Variants in KLHL6 observed in about 807,000 individuals in gnomAD.
KLHL6 encodes the protein kelch like family member 6.
A neutral mutation model predicts 58.6 loss-of-function variants in KLHL6; 41 were observed. The ratio of observed to expected loss-of-function variants is 0.70; its 90% CI spans 0.55 to 0.91. The LOEUF (loss-of-function observed/expected upper bound fraction) is 0.91, where lower values mean the gene tolerates loss of function less well. Among genes scored for constraint, KLHL6 ranks in the 40% least tolerant of loss-of-function variants. The pLI is 0.00. For missense variants in KLHL6, 714 were observed against 805.6 expected (o/e 0.89, Z 1.38); for synonymous variants, 338 against 322.7 (o/e 1.05, Z -0.51).
At chr3:183,543,868 AAGCCGTAGC>A (rs1355325459) in intron 1 of KLHL6, among the ~76,000 whole-genome samples, 28 of 152,168 alleles carry the variant, frequency 1.8e-4, no homozygotes, top group Non-Finnish European at 3.8e-4. Flanking sequence ...TTGTGTTTTA[AAGCCGTAGC>A]ACCAGGCCGG....
intron 4 of KLHL6, among the ~76,000 whole-genome samples, chr3:183,496,983 CA>C (rs929233753): frequency 8.7e-5 from 13 of 148,772 alleles, no homozygotes; most frequent in African/African-American, 2.7e-4. Flanking sequence ...ACTTAAAATA[CA>C]AAAAAAAAAT....
At chr3:183,511,498 C>G (rs560218162) in intron 2 of KLHL6, among the ~76,000 whole-genome samples, 1 of 152,322 alleles carries the variant, frequency 6.6e-6, no homozygotes, top group African/African-American at 2.4e-5. Flanking sequence ...AGCACAGACC[C>G]TTCACGGGTG....
Position 183,488,467 on chromosome 3 carries a change from G to A in KLHL6, c.*3460C>T, listed in dbSNP as rs1717457698. ...CCAGGGCCTCCGATATCATTTTCCA[G>A]ACCTGCATCCTTGGAACCTGACCTC... On this transcript the variant is annotated 3_prime_UTR_variant, in exon 7 of 7. Transcript: ENST00000341319. 2 of 152,764 alleles carry A rather than the reference G, an allele frequency of 1.3e-5. No individual in the cohort carries two copies. Among genetic ancestry groups the A allele is most frequent in the African/African-American group, 4.8e-5 (2 of 41,440 alleles). The allele number at this position is 152,764 out of a possible 1,614,324, so 9.5% of individuals were successfully genotyped here. A position where few individuals can be genotyped will look rare whatever the true frequency, so the allele number is the denominator to read the frequency against.
At chr3:183,555,196 A>T (rs577502877) in intron 1 of KLHL6, among the ~76,000 whole-genome samples, 165 bp downstream of exon 1, 7 of 152,288 alleles carry the variant, frequency 4.6e-5, no homozygotes, top group Non-Finnish European at 7.4e-5. Context: ...ATAATAAAAT[A>T]AAGTGTGATA....
intron 2 of KLHL6, among the ~76,000 whole-genome samples, chr3:183,514,298 A>C (rs935538536): frequency 6.6e-5 from 10 of 152,072 alleles, no homozygotes; most frequent in Middle Eastern, 3.2e-3. Context: ...CCACCCCTTC[A>C]ATCTTCCACA....
chr3:183,497,606 A>G (rs1717749714), intron 4 of KLHL6, among the ~76,000 whole-genome samples: 2 of 152,072 alleles, frequency 1.3e-5, no homozygotes, highest in Non-Finnish European at 2.9e-5. Flanking sequence ...AATTGATGGC[A>G]CTTCCAGGCT....
chr3:183,541,019 T>C (rs1712534595), intron 1 of KLHL6, among the ~76,000 whole-genome samples: 1 of 152,212 alleles, frequency 6.6e-6, no homozygotes, highest in African/African-American at 2.4e-5. Context: ...CAGGACTCTG[T>C]GGCTTCCCTG....
rs1264651630 is a variant in KLHL6 at position 183,503,977 on chromosome 3, A to AC, written c.909+4081dup. On this transcript the variant is annotated intron_variant, in intron 3 of 6. Coordinates refer to ENST00000341319, the MANE Select transcript of KLHL6 (RefSeq NM_130446.4). ...ACTCAGGGAATCAACTGGCAATGAG[A>AC]CCCCAATTAGGAGGTCATGGTGGCT... is the stretch of plus-strand genomic sequence containing the variant. 7.9e-5 allele frequency among the ~76,000 whole-genome samples: 12 copies of AC among 152,186 alleles called. No individual in the cohort carries two copies. In the East Asian group the frequency reaches 1.9e-3, roughly 25 times the overall value.
chr3:183,527,262 A>T (rs1712004025), intron 2 of KLHL6, among the ~76,000 whole-genome samples: 1 of 152,240 alleles, frequency 6.6e-6, no homozygotes, highest in East Asian at 1.9e-4. Flanking sequence ...AATAGCTATG[A>T]CTAAGTACTA....
chr3:183,505,909 A>G (rs910314178), intron 3 of KLHL6, among the ~76,000 whole-genome samples: 1 of 152,260 alleles, frequency 6.6e-6, no homozygotes, highest in Admixed American at 6.5e-5. Flanking sequence ...ACTTTCCACA[A>G]AGAAAACACC....
intron 2 of KLHL6, among the ~76,000 whole-genome samples, chr3:183,510,400 G>A (rs1238159440): frequency 3.3e-5 from 5 of 151,986 alleles, no homozygotes; most frequent in Admixed American, 1.3e-4. Context: ...GTGGGGAGTG[G>A]GGCTATCGAG....
intron 2 of KLHL6, among the ~76,000 whole-genome samples, chr3:183,511,042 C>T (rs971016857): frequency 6.6e-6 from 1 of 152,114 alleles, no homozygotes; most frequent in African/African-American, 2.4e-5. Flanking sequence ...CCCAGGGGAC[C>T]AGCGCTCAGC....
chr3:183,519,953 C>CTT (rs545143103), intron 2 of KLHL6, among the ~76,000 whole-genome samples: 95 of 148,142 alleles, frequency 6.4e-4, no homozygotes, highest in Non-Finnish European at 1.1e-3. Context: ...AAATCACATT[C>CTT]TTTTTGGCAC....
At chr3:183,519,390 C>T (rs760361426) in intron 2 of KLHL6, among the ~76,000 whole-genome samples, 13 of 152,228 alleles carry the variant, frequency 8.5e-5, no homozygotes, top group Non-Finnish European at 1.5e-4. Context: ...CAGTGGGTGC[C>T]ACATGGACCA....
chr3:183,498,098 G>T (rs1717765639), intron 4 of KLHL6, among the ~76,000 whole-genome samples: 1 of 152,064 alleles, frequency 6.6e-6, no homozygotes, highest in Non-Finnish European at 1.5e-5. Context: ...GCCGGATGTG[G>T]TGCCACGTGC....
chr3:183,553,977 C>CAAA (rs59243986), intron 1 of KLHL6, among the ~76,000 whole-genome samples: 1 of 127,626 alleles, frequency 7.8e-6, no homozygotes, highest in Non-Finnish European at 1.7e-5. Flanking sequence ...CCAAGCACCT[C>CAAA]AAAAAAAAAA....
At chr3:183,505,714 T>C (rs1717982669) in intron 3 of KLHL6, among the ~76,000 whole-genome samples, 2 of 149,730 alleles carry the variant, frequency 1.3e-5, no homozygotes, top group Admixed American at 6.6e-5. Context: ...GACAACACTA[T>C]AGATTCTGCA....
At chr3:183,502,801 A>C (rs939691271) in intron 3 of KLHL6, among the ~76,000 whole-genome samples, 3 of 152,196 alleles carry the variant, frequency 2.0e-5, no homozygotes, top group Non-Finnish European at 4.4e-5. Context: ...CTACATTCTG[A>C]CACTCAGAGC....
chr3:183,505,529 A>G (rs1404451514), intron 3 of KLHL6, among the ~76,000 whole-genome samples: 1 of 152,234 alleles, frequency 6.6e-6, no homozygotes, highest in Non-Finnish European at 1.5e-5. Context: ...AAAGAAAATA[A>G]TGATCAGAGT....
Sources: gnomAD v4.1 joint callset for allele counts (sites outside exome capture counted in the v4.1 genomes callset) on GRCh38, gnomAD v4.1.1 for gene constraint, MANE v1.5 for transcripts, NCBI Gene and HGNC (gene_info 2026-07-23, HGNC 2026-07-21) for gene names.